TRAPPC11: variants seen among roughly 807,000 people sequenced by gnomAD.
TRAPPC11 encodes the protein foie gras homolog.
In TRAPPC11, 104 loss-of-function variants were observed where a neutral mutation model predicts 151.2. The observed-to-expected ratio is 0.69, with a 90% CI of 0.59 to 0.81. TRAPPC11 has a LOEUF of 0.81. Among genes scored for constraint, TRAPPC11 ranks in the 30% least tolerant of loss-of-function variants. The pLI is 0.00. For missense variants in TRAPPC11, 1,230 were observed against 1,349.6 expected, an observed-to-expected ratio of 0.91 and a Z score of 1.39; for synonymous variants, 456 against 472.3, an observed-to-expected ratio of 0.97 and a Z score of 0.45.
chr4:183,666,590 T>C (rs1331281788), intron 3 of TRAPPC11, among the ~76,000 whole-genome samples, 164 bp downstream of exon 3: 1 of 152,246 alleles, frequency 6.6e-6, no homozygotes, highest in Non-Finnish European at 1.5e-5. Context: ...AATTATTGAC[T>C]GTATATAATG....
intron 14 of TRAPPC11, 119 bp downstream of exon 14, chr4:183,684,478 C>A: frequency 4.6e-6 from 5 of 1,076,796 alleles, no homozygotes; most frequent in Non-Finnish European, 6.7e-6. Flanking sequence ...TTGTTAAACT[C>A]CATTTCTGTA....
In TRAPPC11 at chr4:183,697,661, T is replaced by G; in HGVS notation, c.2695-18T>G. 6.2e-7 allele frequency: 1 copy of G among 1,613,130 alleles called. No individual in the cohort carries two copies. The highest frequency in any genetic ancestry group is 2.2e-5 in the East Asian group (1 of 44,882). Reference sequence around the variant, plus strand: ...TTAAGGTAATTCCTGACAGACCTTTTATCTTCATTTGTGACAGTTTGAGCA... The same window carrying G: ...TTAAGGTAATTCCTGACAGACCTTTGATCTTCATTTGTGACAGTTTGAGCA... On this transcript the variant is annotated intron_variant, in intron 24 of 29. Coordinates refer to ENST00000334690, the MANE Select transcript of TRAPPC11 (RefSeq NM_021942.6).
intron 5 of TRAPPC11, among the ~76,000 whole-genome samples, chr4:183,672,664 C>T (rs753628178): frequency 2.0e-5 from 3 of 152,168 alleles, no homozygotes; most frequent in African/African-American, 4.8e-5. Flanking sequence ...AAAGATTTGA[C>T]TCTGTATCCC....
At chr4:183,709,003 T>A (rs1246056266) in intron 29 of TRAPPC11, among the ~76,000 whole-genome samples, 4 of 151,972 alleles carry the variant, frequency 2.6e-5, no homozygotes, top group Non-Finnish European at 5.9e-5. Context: ...GTTTTTTTTT[T>A]AATTACACAA....
chr4:183,679,064 T>C (rs1459662506), intron 8 of TRAPPC11, among the ~76,000 whole-genome samples: 1 of 152,224 alleles, frequency 6.6e-6, no homozygotes, highest in African/African-American at 2.4e-5. Context: ...ATGTTCTTCA[T>C]TGGGGATAAT....
chr4:183,686,643 C>T lies in TRAPPC11; in HGVS notation c.1788C>T (p.Ala596=). 6.2e-7 allele frequency: 1 copy of T among 1,613,912 alleles called. No individual in the cohort carries two copies. The highest frequency in any genetic ancestry group is 8.5e-7 in the Non-Finnish European group (1 of 1,179,942). Residue 596 remains alanine (A), a synonymous_variant, in exon 18 of 30, where the codon GCC becomes GCT. Transcript: ENST00000334690. ...TGCAGTGCAAAGCCAAGTTTCATGC[C>T]CCAAGTTTTCATGTTGATGTTCCTG... ...PFVQCKAKFH[A]PSFHVDVPVQ...
Position 183,707,254 on chromosome 4 carries a change from ATG to A in TRAPPC11, c.3189+341_3189+342del, listed in dbSNP as rs10576583. ...TTATTACTGATGAGTGTGTGTGTTT[ATG>A]TGTGTGTGTGTGTGTGTGTGTGTGT... On this transcript the variant is annotated intron_variant, in intron 28 of 29. Coordinates refer to ENST00000334690, the MANE Select transcript of TRAPPC11 (RefSeq NM_021942.6). Among the ~76,000 whole-genome samples the A allele has an allele frequency of 0.27, 39,608 of 148,408 alleles. 5,655 individuals carry two copies. Among genetic ancestry groups the A allele is most frequent in the Middle Eastern group, 0.44 (128 of 290 alleles).
intron 18 of TRAPPC11, among the ~76,000 whole-genome samples, 170 bp downstream of exon 18, chr4:183,686,918 C>G (rs543549705): frequency 6.6e-6 from 1 of 152,152 alleles, no homozygotes; most frequent in Non-Finnish European, 1.5e-5. Context: ...CAGTGGCTCA[C>G]GCCTGTAATC....
chr4:183,697,882 C>CAT (rs1736624539), intron 25 of TRAPPC11, 47 bp downstream of exon 25: 17 of 1,034,234 alleles, frequency 1.6e-5, no homozygotes, highest in South Asian at 4.7e-5. Context: ...ATTGTGCGCG[C>CAT]GTGTGTGTGT....
At chr4:183,674,400 G>A (rs915533450) in intron 5 of TRAPPC11, among the ~76,000 whole-genome samples, 5 of 127,962 alleles carry the variant, frequency 3.9e-5, no homozygotes, top group Non-Finnish European at 7.8e-5. Context: ...CCTGGGTAGT[G>A]ACAGAGCCAG....
At chr4:183,679,124 A>T (rs533435477) in intron 8 of TRAPPC11, among the ~76,000 whole-genome samples, 12 of 152,358 alleles carry the variant, frequency 7.9e-5, no homozygotes, top group African/African-American at 2.9e-4. Context: ...AGTGTAGAAT[A>T]AATTATGTAC....
In TRAPPC11 at chr4:183,663,920, C is replaced by T. The variant is rs780142474; in HGVS notation, c.53C>T (p.Ala18Val). Residue 18 changes from alanine (A) to valine (V), a missense_variant, in exon 2 of 30, where the codon GCC becomes GTC. By Grantham distance (64) the Ala-to-Val change is moderately conservative. Coordinates refer to ENST00000334690, the MANE Select transcript of TRAPPC11 (RefSeq NM_021942.6). Reference protein sequence around the residue: ...FPVELCCRPMAFVTLTGLDVV... With the variant: ...FPVELCCRPMVFVTLTGLDVV... ...GTGGAATTATGTTGCCGGCCTATGG[C>T]CTTTGTTACTCTAACGGGCCTGGAT... 1.9e-6 allele frequency: 3 copies of T among 1,614,116 alleles called. No individual in the cohort carries two copies. Among genetic ancestry groups the T allele is most frequent in the Non-Finnish European group, 2.5e-6 (3 of 1,180,008 alleles).
At chr4:183,699,912 C>T (rs1292281111) in intron 25 of TRAPPC11, among the ~76,000 whole-genome samples, 1 of 151,910 alleles carries the variant, frequency 6.6e-6, no homozygotes, top group Non-Finnish European at 1.5e-5. Flanking sequence ...GCAAGCTCTG[C>T]CTCCCGGGTT....
intron 23 of TRAPPC11, 134 bp downstream of exon 23, chr4:183,694,857 CT>C (rs1174032744): frequency 1.1e-6 from 1 of 885,812 alleles, no homozygotes; most frequent in Non-Finnish European, 1.6e-6. Flanking sequence ...TTTAATTAAA[CT>C]TTTTAAAAAA....
chr4:183,683,387 G>A (rs572739066), intron 11 of TRAPPC11, among the ~76,000 whole-genome samples: 1 of 152,244 alleles, frequency 6.6e-6, no homozygotes, highest in South Asian at 2.1e-4. Context: ...CTGGCTAGGC[G>A]AGGTGGCTCA....
intron 1 of TRAPPC11, among the ~76,000 whole-genome samples, chr4:183,659,801 T>A (rs1734373343): frequency 6.6e-6 from 1 of 152,236 alleles, no homozygotes. Flanking sequence ...CCCCACACTG[T>A]CGTTCCTCTT....
At chr4:183,688,749 G>C (rs1289074268) in intron 18 of TRAPPC11, among the ~76,000 whole-genome samples, 1 of 151,964 alleles carries the variant, frequency 6.6e-6, no homozygotes, top group Non-Finnish European at 1.5e-5. Context: ...GTGTGTGTGT[G>C]TTTGTGTGTG....
intron 2 of TRAPPC11, among the ~76,000 whole-genome samples, chr4:183,665,233 T>C (rs920231077): frequency 3.3e-5 from 5 of 151,758 alleles, no homozygotes; most frequent in Non-Finnish European, 7.4e-5. Flanking sequence ...TGGCTGGGAC[T>C]ACAGGCGCCC....
Position 183,684,638 on chromosome 4 carries a change from A to T in TRAPPC11, c.1422-58A>T. The T allele has an allele frequency of 2.6e-6, 4 of 1,565,920 alleles. No homozygotes were observed. In the South Asian group the frequency reaches 4.6e-5, roughly 18 times the overall value. On this transcript the variant is annotated intron_variant, in intron 14 of 29. Transcript: ENST00000334690. ...TGAGGAAAGTATTTTTTTCTCCATG[A>T]ACTCTTCGAACCCTTTCTTGTGAAG...
Sources: gnomAD v4.1 joint callset for allele counts (sites outside exome capture counted in the v4.1 genomes callset) on GRCh38, gnomAD v4.1.1 for gene constraint, MANE v1.5 for transcripts, NCBI Gene and HGNC (gene_info 2026-07-23, HGNC 2026-07-21) for gene names.